The following ABTB3 variants were observed in gnomAD, a reference collection of about 807,000 sequenced individuals.
ABTB3 encodes ankyrin repeat- and BTB/POZ domain-containing protein 3.
At chr12:107,431,468 G>A in the ABTB3 span, among the ~76,000 whole-genome samples, 1 of 152,090 alleles carries the variant, frequency 6.6e-6, no homozygotes, top group Non-Finnish European at 1.5e-5. Flanking sequence ...AATTAGCCGG[G>A]CGTGGTGGCG....
At chr12:107,520,780 T>A in the ABTB3 span, 1 of 1,022,474 alleles carries the variant, frequency 9.8e-7, no homozygotes, top group Non-Finnish European at 1.4e-6. Flanking sequence ...GCCTGCTGTG[T>A]ACACTAAACA....
the ABTB3 span, chr12:107,580,947 C>T: frequency 2.6e-6 from 4 of 1,551,518 alleles, no homozygotes; most frequent in Middle Eastern, 1.7e-4. Flanking sequence ...GAGCCTGCCC[C>T]GGGGTCACCG....
chr12:107,331,727 A>C, the ABTB3 span, among the ~76,000 whole-genome samples: 1 of 152,148 alleles, frequency 6.6e-6, no homozygotes, highest in Non-Finnish European at 1.5e-5. Context: ...TCTCATCCCC[A>C]TGTCAGTGCC....
chr12:107,493,580 T>C, the ABTB3 span, among the ~76,000 whole-genome samples: 2 of 152,182 alleles, frequency 1.3e-5, no homozygotes, highest in Admixed American at 6.5e-5. Context: ...ATTGTTTGAA[T>C]TGTGTACCTG....
the ABTB3 span, among the ~76,000 whole-genome samples, chr12:107,551,407 G>A: frequency 6.6e-6 from 1 of 152,168 alleles, no homozygotes; most frequent in Non-Finnish European, 1.5e-5. Context: ...TGATCCATTT[G>A]TAACTTGAGC....
the ABTB3 span, among the ~76,000 whole-genome samples, chr12:107,582,729 C>A: frequency 1.3e-5 from 2 of 152,158 alleles, no homozygotes; most frequent in African/African-American, 4.8e-5. Context: ...GGAAGAAATT[C>A]TTGTGGTCCT....
chr12:107,477,217 G>A, the ABTB3 span, among the ~76,000 whole-genome samples: 2 of 152,170 alleles, frequency 1.3e-5, no homozygotes, highest in African/African-American at 2.4e-5. Context: ...AGGTCAAGGG[G>A]GTCTGTGGCC....
chr12:107,528,673 C>T, the ABTB3 span, among the ~76,000 whole-genome samples: 1 of 152,206 alleles, frequency 6.6e-6, no homozygotes, highest in African/African-American at 2.4e-5. Flanking sequence ...TCAGGGATCC[C>T]TGTGCCAACT....
chr12:107,507,387 C>T, the ABTB3 span, among the ~76,000 whole-genome samples: 5 of 152,108 alleles, frequency 3.3e-5, no homozygotes, highest in East Asian at 3.8e-4. Flanking sequence ...TGATATGGGG[C>T]GATGCACTGG....
chr12:107,483,458 C>T, the ABTB3 span, among the ~76,000 whole-genome samples: 1 of 152,188 alleles, frequency 6.6e-6, no homozygotes, highest in South Asian at 2.1e-4. Context: ...GGTACTTAGA[C>T]CCTCTGACAT....
the ABTB3 span, among the ~76,000 whole-genome samples, chr12:107,626,506 C>T: frequency 2.6e-3 from 395 of 151,958 alleles, no homozygotes; most frequent in Non-Finnish European, 4.5e-3. Context: ...CCAGTATGCC[C>T]GGCTAATTTT....
the ABTB3 span, among the ~76,000 whole-genome samples, chr12:107,432,922 C>G: frequency 8.5e-5 from 13 of 152,104 alleles, no homozygotes; most frequent in African/African-American, 4.8e-5. Context: ...TCTCCACAGC[C>G]CACTCATTAA....
the ABTB3 span, among the ~76,000 whole-genome samples, chr12:107,444,976 C>T: frequency 6.6e-6 from 1 of 152,260 alleles, no homozygotes; most frequent in Non-Finnish European, 1.5e-5. Flanking sequence ...AGGAGAGGTC[C>T]ACGTGGAGCT....
chr12:107,502,242 T>TA, the ABTB3 span, among the ~76,000 whole-genome samples: 1 of 151,332 alleles, frequency 6.6e-6, no homozygotes, highest in African/African-American at 2.4e-5. Flanking sequence ...TTTTTGTATA[T>TA]TTTTTTTAGT....
At chr12:107,372,624 G>A in the ABTB3 span, among the ~76,000 whole-genome samples, 2 of 152,186 alleles carry the variant, frequency 1.3e-5, no homozygotes, top group East Asian at 3.9e-4. Context: ...GCTCAGCTGC[G>A]TGGACTTCCT....
the ABTB3 span, among the ~76,000 whole-genome samples, chr12:107,440,464 C>G: frequency 4.6e-5 from 7 of 152,352 alleles, no homozygotes; most frequent in African/African-American, 1.7e-4. Context: ...CTCAGAGAAG[C>G]CTTTCTTACC....
the ABTB3 span, among the ~76,000 whole-genome samples, chr12:107,481,793 C>A: frequency 1.1e-3 from 168 of 151,846 alleles, 1 homozygote; most frequent in Middle Eastern, 0.01. Context: ...CTGTTCTCTC[C>A]CTGGGACATT....
chr12:107,344,376 G>A, the ABTB3 span, among the ~76,000 whole-genome samples: 33 of 152,270 alleles, frequency 2.2e-4, no homozygotes, highest in African/African-American at 7.5e-4. Context: ...AGGGAGAGAA[G>A]GGAAATTGGT....
chr12:107,402,004 A>C, the ABTB3 span, among the ~76,000 whole-genome samples: 1 of 146,506 alleles, frequency 6.8e-6, no homozygotes, highest in Non-Finnish European at 1.5e-5. Flanking sequence ...GCCCAGTTCT[A>C]TCTCGACTCC....
Sources: allele counts gnomAD v4.1 joint callset (sites outside exome capture counted in the v4.1 genomes callset), GRCh38; gene constraint gnomAD v4.1.1; transcripts MANE v1.5; gene names NCBI Gene and HGNC (gene_info 2026-07-23, HGNC 2026-07-21).